Variants in FOXN3 observed in about 807,000 individuals in gnomAD.
FOXN3 encodes the protein forkhead box N3.
A neutral mutation model predicts 38.4 loss-of-function variants in FOXN3; 7 were observed. The observed-to-expected ratio is 0.18, with a 90% CI of 0.10 to 0.34. The LOEUF is 0.34. Among genes scored for constraint, FOXN3 ranks in the 10% least tolerant of loss-of-function variants. FOXN3 has a pLI of 1.00. For missense variants in FOXN3, 456 were observed against 613.4 expected (o/e 0.74, Z 2.71); for synonymous variants, 230 against 242.2 (o/e 0.95, Z 0.47).
At chr14:89,354,223 G>GT (rs1491348780) in intron 2 of FOXN3, among the ~76,000 whole-genome samples, 1 of 150,694 alleles carries the variant, frequency 6.6e-6, no homozygotes, top group Non-Finnish European at 1.5e-5. Context: ...TTTTTGTTTG[G>GT]TTTTTTTTGT....
intron 3 of FOXN3, among the ~76,000 whole-genome samples, chr14:89,326,890 A>G (rs186455264): frequency 6.6e-6 from 1 of 152,348 alleles, no homozygotes; most frequent in Non-Finnish European, 1.5e-5. Context: ...GTACAATTCA[A>G]CAACTATTTA....
rs556806942 is a variant in FOXN3, at chr14:89,463,098, G to A, written c.-14-50608C>T. Among the ~76,000 whole-genome samples the A allele has an allele frequency of 5.7e-4, 86 of 149,746 alleles. No individual in the cohort carries two copies. The East Asian group carries it at 0.017, about 29-fold the overall frequency. On this transcript the variant is annotated intron_variant, in intron 1 of 6. Transcript: ENST00000345097. Reference sequence around the variant, plus strand: ...GAGGTCAGGAGATTGAGAAGATCTGGCTAACACGGTGAAACCCCGTCTCTA... The same window carrying A: ...GAGGTCAGGAGATTGAGAAGATCTGACTAACACGGTGAAACCCCGTCTCTA...
At chr14:89,417,826 C>T (rs540283215), upstream of FOXN3, 14 of 445,548 alleles carry the variant, frequency 3.1e-5, no homozygotes, top group South Asian at 2.0e-4. Flanking sequence ...ACCCAGGTGG[C>T]CGCGTGTCTC....
intron 1 of FOXN3, among the ~76,000 whole-genome samples, chr14:89,478,169 G>T (rs147819224): frequency 6.6e-6 from 1 of 151,988 alleles, no homozygotes; most frequent in Non-Finnish European, 1.5e-5. Context: ...AGTGTGTGGC[G>T]CCTCCCCTCA....
rs58769284 is a variant in FOXN3 at position 89,555,882 on chromosome 14, G to GTGTGGGT, written c.-15+63145_-15+63146insACCCACA. ...GTGTGTGTGTGTGTGTGTGTATGTG[G>GTGTGGGT]GGGTGTATGTGGGGGTGTGTGTGTT... On this transcript the variant is annotated intron_variant, in intron 1 of 6. Transcript: ENST00000345097. Among the ~76,000 whole-genome samples the GTGTGGGT allele has an allele frequency of 7.6e-5, 8 of 104,602 alleles. 2 individuals carry two copies. Among genetic ancestry groups the GTGTGGGT allele is most frequent in the Non-Finnish European group, 1.4e-4 (7 of 49,348 alleles). The allele number at this position is 104,602 out of a possible 152,430, so 68.6% of individuals were successfully genotyped here. A position where few individuals can be genotyped will look rare whatever the true frequency, so the allele number is the denominator to read the frequency against.
intron 2 of FOXN3, among the ~76,000 whole-genome samples, chr14:89,407,337 A>G (rs2140093260): frequency 6.6e-6 from 1 of 152,372 alleles, no homozygotes; most frequent in South Asian, 2.1e-4. Flanking sequence ...CACAAAAGGC[A>G]CTGCAGGAAC....
intron 4 of FOXN3, among the ~76,000 whole-genome samples, chr14:89,231,718 T>A (rs909870120): frequency 6.6e-6 from 1 of 152,076 alleles, no homozygotes; most frequent in Non-Finnish European, 1.5e-5. Context: ...AGCCGCTCCA[T>A]GCAATACTGT....
chr14:89,187,605 C>CT (rs1887840998), intron 4 of FOXN3, among the ~76,000 whole-genome samples: 1 of 152,204 alleles, frequency 6.6e-6, no homozygotes, highest in Non-Finnish European at 1.5e-5. Flanking sequence ...ATGCTTCTCC[C>CT]TTAAGAAGGC....
At chr14:89,410,130 G>T (rs764388807) in intron 2 of FOXN3, among the ~76,000 whole-genome samples, 10 of 127,150 alleles carry the variant, frequency 7.9e-5, no homozygotes, top group Non-Finnish European at 1.6e-4. Flanking sequence ...AACAGAAACC[G>T]AGTGAAGAGC....
chr14:89,344,864 A>C (rs1429388955), intron 3 of FOXN3, among the ~76,000 whole-genome samples: 1 of 152,228 alleles, frequency 6.6e-6, no homozygotes, highest in African/African-American at 2.4e-5. Context: ...ATATTCTTTA[A>C]TGAGAAATGA....
chr14:89,532,596 G>A lies in FOXN3; in HGVS notation c.-15+86432C>T, dbSNP rs200019823. ...ATTACAAAATGATCAGAAAAACACT[G>A]CACAGCCACTGATTTACTGTGGCAA... On this transcript the variant is annotated intron_variant, in intron 1 of 6. Coordinates refer to the FOXN3 transcript ENST00000345097. Among the ~76,000 whole-genome samples, 4 of 152,104 alleles carry A rather than the reference G, an allele frequency of 2.6e-5. No individual in the cohort carries two copies. The South Asian group carries it at 6.2e-4, about 24-fold the overall frequency.
chr14:89,378,398 T>C (rs968427808), intron 2 of FOXN3, among the ~76,000 whole-genome samples: 3 of 152,190 alleles, frequency 2.0e-5, no homozygotes, highest in Non-Finnish European at 4.4e-5. Context: ...CAGACAGGTC[T>C]GGGGACAGCC....
chr14:89,200,735 A>T (rs1888216297), intron 4 of FOXN3, among the ~76,000 whole-genome samples: 1 of 152,206 alleles, frequency 6.6e-6, no homozygotes, highest in South Asian at 2.1e-4. Flanking sequence ...TGTGATTCCA[A>T]AGCAAGTGAA....
chr14:89,377,882 T>A (rs143828815), intron 2 of FOXN3, among the ~76,000 whole-genome samples: 3 of 152,226 alleles, frequency 2.0e-5, no homozygotes, highest in African/African-American at 7.2e-5. Flanking sequence ...TAATCCACTA[T>A]GACTGGTGTC....
At chr14:89,415,828 C>T (rs1596262432) in intron 1 of FOXN3, among the ~76,000 whole-genome samples, 2 of 101,438 alleles carry the variant, frequency 2.0e-5, no homozygotes, top group South Asian at 5.1e-4. Context: ...TCACTGGTGA[C>T]CTCCTTACAA....
At chr14:89,535,062 C>T (rs777795134) in intron 1 of FOXN3, among the ~76,000 whole-genome samples, 1 of 152,186 alleles carries the variant, frequency 6.6e-6, no homozygotes, top group Non-Finnish European at 1.5e-5. Context: ...CTACAAACAG[C>T]AGATGAATTA....
At chr14:89,214,463 A>T (rs945632436) in intron 4 of FOXN3, among the ~76,000 whole-genome samples, 1 of 152,214 alleles carries the variant, frequency 6.6e-6, no homozygotes, top group Non-Finnish European at 1.5e-5. Context: ...AACAGCAAAC[A>T]AAGGCCTGGG....
At chr14:89,325,356 C>CACCACTACCACCACCACCACT (rs1888045907) in intron 3 of FOXN3, among the ~76,000 whole-genome samples, 2 of 91,796 alleles carry the variant, frequency 2.2e-5, no homozygotes, top group Non-Finnish European at 4.7e-5. Flanking sequence ...CCACCACCAC[C>CACCACTACCACCACCACCACT]ACCACTACCA....
At chr14:89,504,955 C>G (rs1893880527) in intron 1 of FOXN3, among the ~76,000 whole-genome samples, 1 of 152,116 alleles carries the variant, frequency 6.6e-6, no homozygotes. Context: ...ACTTTCTTCC[C>G]CAACAGAACT....
Sources: gnomAD v4.1 joint callset for allele counts (sites outside exome capture counted in the v4.1 genomes callset) on GRCh38, gnomAD v4.1.1 for gene constraint, MANE v1.5 for transcripts, NCBI Gene and HGNC (gene_info 2026-07-23, HGNC 2026-07-21) for gene names.